DNAI7: variants seen among roughly 807,000 people sequenced by gnomAD.
The protein encoded by DNAI7 is dynein axonemal intermediate chain 7, also known as cancer susceptibility 1.
A neutral mutation model predicts 86.6 loss-of-function variants in DNAI7; 78 were observed. That is an observed-to-expected ratio of 0.90 (90% confidence interval 0.75 to 1.09). The LOEUF is 1.09. DNAI7 is among the 50% of genes least tolerant of loss of function. The pLI is 0.00. For synonymous variants in DNAI7, 274 were observed against 273.0 expected (o/e 1.00, Z -0.04); for missense variants, 753 against 810.2 (o/e 0.93, Z 0.86).
intron 12 of DNAI7, among the ~76,000 whole-genome samples, chr12:25,116,830 A>G (rs568323271): frequency 6.6e-6 from 1 of 152,340 alleles, no homozygotes; most frequent in Admixed American, 6.5e-5. Context: ...ATACTTAGGA[A>G]TATTACCATT....
Position 25,108,299 on chromosome 12 carries a change from T to C in DNAI7, c.*249A>G, listed in dbSNP as rs1051660919. The C allele has an allele frequency of 4.0e-5, 22 of 547,764 alleles. No individual in the cohort carries two copies. The highest frequency in any genetic ancestry group is 6.8e-5 in the Non-Finnish European group (22 of 322,156). The allele number at this position is 547,764 out of a possible 1,614,324, so 33.9% of individuals were successfully genotyped here. On this transcript the variant is annotated 3_prime_UTR_variant, in exon 16 of 16. Coordinates refer to ENST00000395987, the MANE Select transcript of DNAI7 (RefSeq NM_018272.5). ...GGAAGAAATATTATATATTGTTTGTTAAAGTTTATTGAAATAAAGAATCAT... is the reference window on the plus strand; with the variant it reads ...GGAAGAAATATTATATATTGTTTGTCAAAGTTTATTGAAATAAAGAATCAT...
intron 9 of DNAI7, among the ~76,000 whole-genome samples, chr12:25,132,386 T>TA (rs561968554): frequency 6.6e-6 from 1 of 152,040 alleles, no homozygotes; most frequent in Admixed American, 6.6e-5. Flanking sequence ...GTTTTAACTT[T>TA]AAAAAAAATT....
At chr12:25,123,178 A>G (rs1941585602) in intron 10 of DNAI7, 33 bp downstream of exon 10, 1 of 1,368,176 alleles carries the variant, frequency 7.3e-7, no homozygotes, top group Non-Finnish European at 1.0e-6. Flanking sequence ...AAATCTCAAT[A>G]AAGTTAAATT....
intron 10 of DNAI7, among the ~76,000 whole-genome samples, chr12:25,122,448 CAAAAAAAAAAAA>C (rs34138209): frequency 1.3e-5 from 1 of 76,718 alleles, no homozygotes; most frequent in African/African-American, 5.3e-5. Context: ...GATCTCATCT[CAAAAAAAAAAAA>C]AAAAAAAAGA....
chr12:25,149,075 T>C (rs1945193934), intron 7 of DNAI7, among the ~76,000 whole-genome samples: 2 of 152,068 alleles, frequency 1.3e-5, no homozygotes, highest in Non-Finnish European at 2.9e-5. Context: ...AGCACTGACA[T>C]CCTGGACTCA....
At position 25,144,449 on chromosome 12, in the gene DNAI7, G is replaced by A. The variant is rs750018844; in HGVS notation, c.918C>T (p.Ser306=). ...KAISKEVEEE[S]KQQERGSHLI... ...AGTGAGACCCTCTTTCTTGTTGTTT[G>A]GACTCTTCTTCGACCTCCTTGCTGA... The change falls in exon 9 of 16, where the codon TCC becomes TCT. Residue 306 remains serine, a synonymous_variant. Transcript: ENST00000395987. 3 of 1,613,960 alleles carry A rather than the reference G, an allele frequency of 1.9e-6. No individual in the cohort carries two copies. Among genetic ancestry groups the A allele is most frequent in the South Asian group, 2.2e-5 (2 of 91,072 alleles).
chr12:25,153,080 T>G (rs1320485339), intron 6 of DNAI7, among the ~76,000 whole-genome samples: 2 of 152,204 alleles, frequency 1.3e-5, no homozygotes, highest in Non-Finnish European at 2.9e-5. Flanking sequence ...TTTCTATCTC[T>G]TTGTCTCTGT....
At chr12:25,123,061 A>C (rs1941568128) in intron 10 of DNAI7, 150 bp downstream of exon 10, 1 of 584,112 alleles carries the variant, frequency 1.7e-6, no homozygotes, top group Admixed American at 3.4e-5. Flanking sequence ...GAAATCTGTT[A>C]ACACTGGTAT....
intron 8 of DNAI7, among the ~76,000 whole-genome samples, chr12:25,145,119 T>G (rs899688709): frequency 4.6e-5 from 7 of 152,200 alleles, no homozygotes; most frequent in Admixed American, 1.3e-4. Flanking sequence ...CATCTCTGAA[T>G]GGACTTTAAG....
chr12:25,178,222 C>T (rs182117592), intron 2 of DNAI7, among the ~76,000 whole-genome samples: 73 of 152,234 alleles, frequency 4.8e-4, no homozygotes, highest in African/African-American at 1.3e-3. Context: ...CATATAAAGA[C>T]TTATGGACCT....
chr12:25,124,797 A>G (rs1039468473), intron 9 of DNAI7, among the ~76,000 whole-genome samples: 3 of 152,074 alleles, frequency 2.0e-5, no homozygotes, highest in Non-Finnish European at 4.4e-5. Flanking sequence ...AGTAGGCCCC[A>G]GTGTCTGCCA....
In DNAI7 at chr12:25,111,930, A is replaced by G. The variant is rs1938919302; in HGVS notation, c.1621T>C (p.Cys541Arg). The change falls in exon 14 of 16, where the codon TGC becomes CGC. Residue 541 changes from cysteine (C) to arginine (R), a missense_variant. Physicochemically the swap from Cys to Arg is radical, Grantham distance 180. Transcript: ENST00000395987. ...TTTAGTTTGATTGAAGATAACATGC[A>G]GAGGTTTTCCTAGTTTAAATAAGAA... ...EIQIQIKENL[C>R]MLSSIKLKDK... The G allele has an allele frequency of 1.3e-6, 2 of 1,582,588 alleles. No individual in the cohort carries two copies. Among genetic ancestry groups the G allele is most frequent in the African/African-American group, 1.4e-5 (1 of 73,180 alleles).
chr12:25,170,980 G>A (rs1948072094), intron 2 of DNAI7, among the ~76,000 whole-genome samples: 1 of 152,138 alleles, frequency 6.6e-6, no homozygotes, highest in South Asian at 2.1e-4. Flanking sequence ...CAAAGATGGT[G>A]CTAACGGGAA....
intron 11 of DNAI7, among the ~76,000 whole-genome samples, chr12:25,120,267 C>T (rs959850850): frequency 7.2e-6 from 1 of 138,196 alleles, no homozygotes; most frequent in Non-Finnish European, 1.5e-5. Flanking sequence ...AATCTGTGTA[C>T]AGGTGTGTTA....
intron 2 of DNAI7, among the ~76,000 whole-genome samples, chr12:25,163,892 T>C (rs1471849801): frequency 6.6e-6 from 1 of 152,206 alleles, no homozygotes; most frequent in Non-Finnish European, 1.5e-5. Context: ...CCTTTTCTTT[T>C]CTAGTAGAGA....
At chr12:25,134,955 AT>A (rs1943370346) in intron 9 of DNAI7, among the ~76,000 whole-genome samples, 2 of 152,220 alleles carry the variant, frequency 1.3e-5, no homozygotes, top group Non-Finnish European at 2.9e-5. Flanking sequence ...TTTAGGAAAA[AT>A]GGCAGATATG....
intron 9 of DNAI7, among the ~76,000 whole-genome samples, chr12:25,132,407 G>A (rs1312201777): frequency 6.6e-6 from 1 of 152,020 alleles, no homozygotes; most frequent in African/African-American, 2.4e-5. Context: ...TAACAATACA[G>A]CTTAGGGATC....
intron 10 of DNAI7, 26 bp from the exon 11 acceptor site, chr12:25,121,939 T>C (rs1400393899): frequency 2.0e-6 from 3 of 1,478,542 alleles, no homozygotes; most frequent in African/African-American, 2.9e-5. Context: ...TTAACAGTTT[T>C]CAAATAGATT....
chr12:25,112,362 G>A (rs948150766), intron 13 of DNAI7, among the ~76,000 whole-genome samples: 2 of 149,956 alleles, frequency 1.3e-5, no homozygotes, highest in African/African-American at 2.5e-5. Context: ...AGTCTTGCGC[G>A]AAGTGACAGT....
Sources: gnomAD v4.1 joint callset for allele counts (sites outside exome capture counted in the v4.1 genomes callset) on GRCh38, gnomAD v4.1.1 for gene constraint, MANE v1.5 for transcripts, NCBI Gene and HGNC (gene_info 2026-07-23, HGNC 2026-07-21) for gene names.